LRRK1: variants seen among roughly 807,000 people sequenced by gnomAD.
LRRK1 encodes the protein leucine rich repeat kinase 1, also known as leucine-rich repeat serine/threonine-protein kinase 1.
In LRRK1, 113 loss-of-function variants were observed where a neutral mutation model predicts 209.1. The ratio of observed to expected loss-of-function variants is 0.54; its 90% CI spans 0.46 to 0.63. The LOEUF (loss-of-function observed/expected upper bound fraction) is 0.63, where lower values mean the gene tolerates loss of function less well. Ranked by LOEUF, LRRK1 falls within the 30% of genes least tolerant of loss-of-function variation. LRRK1 has a pLI of 0.00. For synonymous variants in LRRK1, 1,144 were observed against 1,099.7 expected, an observed-to-expected ratio of 1.04 and a Z score of -0.80; for missense variants, 2,284 against 2,632.2, an observed-to-expected ratio of 0.87 and a Z score of 2.89.
rs149733074 is a variant in LRRK1 at position 100,994,281 on chromosome 15, G to A, written c.762+4883G>A. Among the ~76,000 whole-genome samples, 1,430 of 152,318 alleles carry A rather than the reference G, an allele frequency of 9.4e-3. 15 individuals are homozygous for A. The highest frequency in any genetic ancestry group is 0.031 in the Middle Eastern group (9 of 294). On this transcript the variant is annotated intron_variant, in intron 6 of 33. Coordinates refer to ENST00000388948, the MANE Select transcript of LRRK1 (RefSeq NM_024652.6). ...ACAGTTCCTGAACTGTACCGCCTAG[G>A]TTTCACATAGACGAATGATTCTCTG... is the stretch of plus-strand genomic sequence containing the variant.
chr15:101,065,301 T>G (rs1488134104), intron 31 of LRRK1, 51 bp from the exon 32 acceptor site: 3 of 1,581,882 alleles, frequency 1.9e-6, no homozygotes, highest in Non-Finnish European at 2.6e-6. Flanking sequence ...GTGTCTCTCT[T>G]GGAATGTGTG....
rs1456854851 is a variant in LRRK1 at position 101,065,334 on chromosome 15, CCT to C, written c.4915-17_4915-16del. 1.2e-6 allele frequency: 2 copies of C among 1,607,458 alleles called. No homozygotes were observed. Among genetic ancestry groups the C allele is most frequent in the Admixed American group, 3.3e-5 (2 of 59,920 alleles). ...GTGAAATGGAAGGATGTGACACATCCCTGTCTCCTTCCTTCAGAATTCCTACC... is the reference window on the plus strand; with the variant it reads ...GTGAAATGGAAGGATGTGACACATCCGTCTCCTTCCTTCAGAATTCCTACC... On this transcript the variant is annotated splice_polypyrimidine_tract_variant and intron_variant, in intron 31 of 33. Coordinates refer to ENST00000388948, the MANE Select transcript of LRRK1 (RefSeq NM_024652.6).
At chr15:100,941,569 C>G (rs1215388681) in intron 2 of LRRK1, among the ~76,000 whole-genome samples, 2 of 150,280 alleles carry the variant, frequency 1.3e-5, no homozygotes, top group South Asian at 4.2e-4. Flanking sequence ...AGAGGAGTTT[C>G]GTGCTTCTCT....
chr15:100,995,499 G>A (rs2032362499), intron 6 of LRRK1, among the ~76,000 whole-genome samples: 1 of 152,194 alleles, frequency 6.6e-6, no homozygotes, highest in Admixed American at 6.5e-5. Context: ...GTCAGACCTG[G>A]CCATGCTGTT....
chr15:101,066,776 C>A, intron 33 of LRRK1, 35 bp downstream of exon 33: 1 of 1,547,696 alleles, frequency 6.5e-7, no homozygotes, highest in Non-Finnish European at 8.9e-7. Context: ...AGGACCCAGG[C>A]AGCAGCATGA....
Position 101,024,973 on chromosome 15 carries a change from G to A in LRRK1, c.2232+6G>A, listed in dbSNP as rs1009095476. ...TCTGGCTGCTCAACATCGAGGTGAG[G>A]ACACCAGACGCCAGCCCTGCCATTT... On this transcript the variant is annotated splice_donor_region_variant and intron_variant, in intron 16 of 33. Coordinates refer to ENST00000388948, the MANE Select transcript of LRRK1 (RefSeq NM_024652.6). The surrounding 1 kb of genome is among the most constrained non-coding windows in gnomAD (Gnocchi z 4.6). 3.7e-6 allele frequency: 6 copies of A among 1,611,138 alleles called. No individual in the cohort carries two copies. Among genetic ancestry groups the A allele is most frequent in the Non-Finnish European group, 5.1e-6 (6 of 1,178,676 alleles).
chr15:101,053,252 G>A lies in LRRK1; in HGVS notation c.3886G>A (p.Asp1296Asn), dbSNP rs778478182. ...DTMLRHLRAT[D>N]AMKNFSEFRQ... ...CATGCTGAGGCACCTGCGGGCCACCGATGCCATGAAGAACTTCTCCGAGTT... is the reference window on the plus strand; with the variant it reads ...CATGCTGAGGCACCTGCGGGCCACCAATGCCATGAAGAACTTCTCCGAGTT... Residue 1296 changes from aspartate (D) to asparagine (N), a missense_variant, in exon 26 of 34, where the codon GAT becomes AAT. By Grantham distance (23) the Asp-to-Asn change is conservative. Coordinates refer to ENST00000388948, the MANE Select transcript of LRRK1 (RefSeq NM_024652.6). 2.6e-5 allele frequency: 41 copies of A among 1,606,620 alleles called. No homozygotes were observed. Among genetic ancestry groups the A allele is most frequent in the South Asian group, 1.9e-4 (17 of 91,084 alleles).
chr15:100,974,091 C>G (rs981371585), intron 3 of LRRK1, 124 bp downstream of exon 3: 12 of 817,934 alleles, frequency 1.5e-5, no homozygotes, highest in Non-Finnish European at 1.8e-5. Flanking sequence ...TCTGGAAACG[C>G]CTCGCTTTGC....
At position 101,027,601 on chromosome 15, in the gene LRRK1, G is replaced by T. The variant is rs1206542685; in HGVS notation, c.2527-37G>T. 2 of 1,598,344 alleles carry T rather than the reference G, an allele frequency of 1.3e-6. No homozygotes were observed. Among genetic ancestry groups the T allele is most frequent in the African/African-American group, 1.3e-5 (1 of 74,688 alleles). On this transcript the variant is annotated intron_variant, in intron 18 of 33. Transcript: ENST00000388948. The surrounding 1 kb of genome is among the most constrained non-coding windows in gnomAD (Gnocchi z 5.1). ...GCCCAAGCTGGCAGGTGTGCCTTGG[G>T]ACCTGAGAGACCCTGCCTCGCCCAA... is the stretch of plus-strand genomic sequence containing the variant.
intron 2 of LRRK1, among the ~76,000 whole-genome samples, chr15:100,969,034 G>A (rs79878046): frequency 0.045 from 6,775 of 152,112 alleles, 196 homozygotes; most frequent in Middle Eastern, 0.075. Context: ...TAGAGACAGG[G>A]TCTACTTGTT....
rs148131704 is a variant in LRRK1 at position 101,054,104 on chromosome 15, G to A, written c.4054+684G>A. Reference sequence around the variant, plus strand: ...AGCCATCCTCCCACCGCAACTTCCCGAGTAGCTACAAGCACACGCCACCAC... The same window carrying A: ...AGCCATCCTCCCACCGCAACTTCCCAAGTAGCTACAAGCACACGCCACCAC... On this transcript the variant is annotated intron_variant, in intron 26 of 33. Transcript: ENST00000388948. Among the ~76,000 whole-genome samples the A allele has an allele frequency of 3.6e-3, 542 of 152,140 alleles. 3 individuals carry two copies. The highest frequency in any genetic ancestry group is 0.012 in the African/African-American group (502 of 41,480).
At chr15:100,953,320 C>T (rs1211941597) in intron 2 of LRRK1, among the ~76,000 whole-genome samples, 1 of 152,158 alleles carries the variant, frequency 6.6e-6, no homozygotes, top group Non-Finnish European at 1.5e-5. Context: ...CCACCATTCA[C>T]TCTCGGCTTC....
intron 19 of LRRK1, among the ~76,000 whole-genome samples, chr15:101,028,237 C>T (rs1456398949): frequency 3.3e-5 from 5 of 152,336 alleles, no homozygotes; most frequent in Admixed American, 1.3e-4. Context: ...CTCACCAGCC[C>T]GTCAGTACAG....
intron 29 of LRRK1, among the ~76,000 whole-genome samples, chr15:101,060,045 GAC>G (rs1300812201): frequency 6.6e-6 from 1 of 152,214 alleles, no homozygotes; most frequent in East Asian, 1.9e-4. Flanking sequence ...CCAGAGGGAA[GAC>G]AGAGGCCTCT....
At chr15:100,937,887 G>T (rs1377750159) in intron 2 of LRRK1, among the ~76,000 whole-genome samples, 1 of 151,970 alleles carries the variant, frequency 6.6e-6, no homozygotes, top group Non-Finnish European at 1.5e-5. Context: ...GTCTCACTCT[G>T]TCACCCAAGC....
At chr15:100,954,449 G>T (rs925925750) in intron 2 of LRRK1, among the ~76,000 whole-genome samples, 1 of 151,968 alleles carries the variant, frequency 6.6e-6, no homozygotes, top group Non-Finnish European at 1.5e-5. Context: ...CATTCCATAG[G>T]TTGCCTTTTC....
intron 21 of LRRK1, among the ~76,000 whole-genome samples, chr15:101,047,366 G>A (rs773878332): frequency 3.9e-5 from 6 of 152,204 alleles, no homozygotes; most frequent in Non-Finnish European, 8.8e-5. Flanking sequence ...CGCAGGCGCT[G>A]GTGCTCCTAC....
intron 28 of LRRK1, among the ~76,000 whole-genome samples, chr15:101,057,723 T>C (rs2035892698): frequency 6.6e-6 from 1 of 151,776 alleles, no homozygotes. Context: ...AGATGAAGAG[T>C]GTATGTCCTT....
chr15:101,028,126 G>A (rs982117677), intron 19 of LRRK1, among the ~76,000 whole-genome samples: 9 of 151,754 alleles, frequency 5.9e-5, no homozygotes, highest in African/African-American at 1.5e-4. Context: ...AGGACTTAAC[G>A]TTCTGTAAAG....
Sources: gnomAD v4.1 joint callset for allele counts (sites outside exome capture counted in the v4.1 genomes callset) on GRCh38, gnomAD v4.1.1 for gene constraint, Gnocchi (gnomAD v3.1) non-coding constraint, MANE v1.5 for transcripts, NCBI Gene and HGNC (gene_info 2026-07-23, HGNC 2026-07-21) for gene names.